The following TRPC6 variants were observed in gnomAD, a reference collection of about 807,000 sequenced individuals.
TRPC6 encodes transient receptor potential cation channel subfamily C member 6.
Under a neutral mutation model 90.7 loss-of-function variants are expected in TRPC6, and 55 were observed. The ratio of observed to expected loss-of-function variants is 0.61; its 90% CI spans 0.49 to 0.76. The LOEUF (loss-of-function observed/expected upper bound fraction) is 0.76, where lower values mean the gene tolerates loss of function less well. Ranked by LOEUF, TRPC6 falls within the 30% of genes least tolerant of loss-of-function variation. TRPC6 has a pLI of 0.00. For synonymous variants in TRPC6, 393 were observed against 393.0 expected, an observed-to-expected ratio of 1.00 and a Z score of 0.00; for missense variants, 989 against 1,122.7, an observed-to-expected ratio of 0.88 and a Z score of 1.70.
intron 1 of TRPC6, among the ~76,000 whole-genome samples, chr11:101,571,434 G>A (rs1168297572): frequency 6.6e-6 from 1 of 152,048 alleles, no homozygotes; most frequent in Non-Finnish European, 1.5e-5. Flanking sequence ...TGTGAAAATG[G>A]CCATACTACC....
chr11:101,467,112 G>A (rs541524433), intron 10 of TRPC6, among the ~76,000 whole-genome samples: 1 of 152,284 alleles, frequency 6.6e-6, no homozygotes, highest in South Asian at 2.1e-4. Context: ...CTTCTGCGTC[G>A]ATCTTGCTGG....
At chr11:101,479,203 C>T (rs1859490577) in intron 5 of TRPC6, among the ~76,000 whole-genome samples, 1 of 152,222 alleles carries the variant, frequency 6.6e-6, no homozygotes, top group Non-Finnish European at 1.5e-5. Flanking sequence ...GCACCCAGGG[C>T]CTGCAGATGT....
intron 10 of TRPC6, among the ~76,000 whole-genome samples, chr11:101,462,571 A>C (rs569694141): frequency 6.6e-6 from 1 of 152,248 alleles, no homozygotes; most frequent in African/African-American, 2.4e-5. Flanking sequence ...TCTTTGTAGC[A>C]ATTGTGAATG....
chr11:101,454,911 A>C (rs941635312), intron 11 of TRPC6, 107 bp downstream of exon 11: 7 of 789,670 alleles, frequency 8.9e-6, no homozygotes, highest in Admixed American at 2.6e-5. Context: ...GAATTAATGC[A>C]TTATTTGATA....
chr11:101,471,231 C>T lies in TRPC6; in HGVS notation c.2361G>A (p.Leu787=). 6.2e-7 allele frequency: 1 copy of T among 1,613,950 alleles called. No individual in the cohort carries two copies. The highest frequency in any genetic ancestry group is 8.5e-7 in the Non-Finnish European group (1 of 1,179,886). The change falls in exon 9 of 13, where the codon CTG becomes CTA. Residue 787 remains leucine, a synonymous_variant. Coordinates refer to ENST00000344327, the MANE Select transcript of TRPC6 (RefSeq NM_004621.6). The stretch of plus-strand genomic sequence containing the variant: ...GGAAACCTTTTTTATGGCCCTGGAA[C>T]AGCTCAGAAATCCATTTTTTAAGCT... The part of the protein sequence containing the change: ...LLKLKKWISE[L]FQGHKKGFQE...
chr11:101,459,349 C>T (rs114844828), intron 10 of TRPC6, among the ~76,000 whole-genome samples: 1 of 152,288 alleles, frequency 6.6e-6, no homozygotes, highest in Non-Finnish European at 1.5e-5. Context: ...GTCAGCCCAA[C>T]AGGGAACGGC....
chr11:101,554,124 T>C (rs1044012464), intron 1 of TRPC6, among the ~76,000 whole-genome samples: 1 of 152,132 alleles, frequency 6.6e-6, no homozygotes, highest in African/African-American at 2.4e-5. Flanking sequence ...AAAATGGTTC[T>C]ATAAATAAAG....
intron 1 of TRPC6, among the ~76,000 whole-genome samples, chr11:101,561,603 G>T (rs980998181): frequency 6.6e-6 from 1 of 151,980 alleles, no homozygotes; most frequent in Non-Finnish European, 1.5e-5. Context: ...TTGCTATATA[G>T]AGGCACTGAC....
At chr11:101,475,607 C>A (rs1859394547) in intron 6 of TRPC6, among the ~76,000 whole-genome samples, 1 of 152,006 alleles carries the variant, frequency 6.6e-6, no homozygotes. Flanking sequence ...AAACTTTGTA[C>A]CTTTGGCCAA....
At position 101,504,330 on chromosome 11, in the gene TRPC6, C is replaced by G. The variant is rs1860202255; in HGVS notation, c.639G>C (p.Gly213=). Reference sequence around the variant, plus strand: ...GAGTCACATCATGGGAGAACCGTGTCCCATCTTCATCATAGGCATAAAAAT... The same window carrying G: ...GAGTCACATCATGGGAGAACCGTGTGCCATCTTCATCATAGGCATAAAAAT... ...QDDFYAYDED[G]TRFSHDVTPI... The change falls in exon 2 of 13, where the codon GGG becomes GGC. Residue 213 remains glycine, a synonymous_variant. Coordinates refer to ENST00000344327, the MANE Select transcript of TRPC6 (RefSeq NM_004621.6). 6.2e-7 allele frequency: 1 copy of G among 1,613,990 alleles called. No homozygotes were observed. The highest frequency in any genetic ancestry group is 1.3e-5 in the African/African-American group (1 of 75,026).
chr11:101,534,149 T>C (rs1184387435), intron 1 of TRPC6, among the ~76,000 whole-genome samples: 1 of 152,046 alleles, frequency 6.6e-6, no homozygotes, highest in African/African-American at 2.4e-5. Context: ...CTCTTCTCTC[T>C]CTTTCTGATG....
chr11:101,569,069 T>C (rs1398349376), intron 1 of TRPC6, among the ~76,000 whole-genome samples: 3 of 152,090 alleles, frequency 2.0e-5, no homozygotes, highest in African/African-American at 7.2e-5. Flanking sequence ...GAATGGCAAG[T>C]TGGATGAAGA....
chr11:101,557,901 T>C lies in TRPC6; in HGVS notation c.170+25433A>G, dbSNP rs577321466. On this transcript the variant is annotated intron_variant, in intron 1 of 12. Coordinates refer to ENST00000344327, the MANE Select transcript of TRPC6 (RefSeq NM_004621.6). ...TAAATGGAAAGATATTCCATGTTCA[T>C]AGATTACAAGAATTAATATTATTAA... is the stretch of plus-strand genomic sequence containing the variant. Among the ~76,000 whole-genome samples, 10 of 152,286 alleles carry C rather than the reference T, an allele frequency of 6.6e-5. No individual in the cohort carries two copies. The East Asian group carries it at 1.5e-3, about 24-fold the overall frequency.
chr11:101,453,558 T>A, intron 12 of TRPC6, 92 bp downstream of exon 12: 1 of 1,202,966 alleles, frequency 8.3e-7, no homozygotes, highest in African/African-American at 1.5e-5. Context: ...TCACTCTCCC[T>A]GTACGCATCT....
intron 1 of TRPC6, among the ~76,000 whole-genome samples, chr11:101,505,078 G>A (rs1008941610): frequency 7.9e-5 from 12 of 152,136 alleles, no homozygotes; most frequent in Admixed American, 1.3e-4. Flanking sequence ...AGAAACTAAT[G>A]TACTATATAG....
chr11:101,487,725 T>C (rs1859709666), intron 4 of TRPC6, among the ~76,000 whole-genome samples: 1 of 152,202 alleles, frequency 6.6e-6, no homozygotes, highest in South Asian at 2.1e-4. Context: ...TCCTCATTTA[T>C]ATTATGAATC....
intron 1 of TRPC6, among the ~76,000 whole-genome samples, chr11:101,558,088 A>G (rs1345707635): frequency 1.3e-5 from 2 of 151,844 alleles, no homozygotes; most frequent in East Asian, 3.9e-4. Flanking sequence ...TTCATAAGCA[A>G]AAAGAATAAA....
intron 11 of TRPC6, among the ~76,000 whole-genome samples, chr11:101,453,965 G>C (rs1025290464): frequency 6.6e-6 from 1 of 152,154 alleles, no homozygotes; most frequent in East Asian, 1.9e-4. Flanking sequence ...AGAATGTTTA[G>C]AGCAAGTATG....
At chr11:101,467,202 TATTTC>T (rs929815476) in intron 10 of TRPC6, among the ~76,000 whole-genome samples, 3 of 152,198 alleles carry the variant, frequency 2.0e-5, no homozygotes, top group Admixed American at 1.3e-4. Flanking sequence ...CTACTTCATT[TATTTC>T]AAGTTATTTT....
Sources: allele counts gnomAD v4.1 joint callset (sites outside exome capture counted in the v4.1 genomes callset), GRCh38; gene constraint gnomAD v4.1.1; transcripts MANE v1.5; gene names NCBI Gene and HGNC (gene_info 2026-07-23, HGNC 2026-07-21).